Variants in LPGAT1 observed in about 807,000 individuals in gnomAD.
LPGAT1 encodes the protein lysophosphatidylglycerol acyltransferase 1, also known as acyl-CoA:lysophosphatidylglycerol acyltransferase 1.
A neutral mutation model predicts 47.5 loss-of-function variants in LPGAT1; 11 were observed. The ratio of observed to expected loss-of-function variants is 0.23; its 90% confidence interval spans 0.15 to 0.38. LPGAT1 has a LOEUF of 0.38. Ranked by LOEUF, LPGAT1 falls within the 10% of genes least tolerant of loss-of-function variation. LPGAT1 has a pLI of 1.00. For missense variants in LPGAT1, 293 were observed against 439.0 expected (o/e 0.67, Z 2.97); for synonymous variants, 138 against 144.2 (o/e 0.96, Z 0.31).
At chr1:211,779,827 T>C (rs1658562889) in intron 5 of LPGAT1, among the ~76,000 whole-genome samples, 1 of 148,548 alleles carries the variant, frequency 6.7e-6, no homozygotes. Flanking sequence ...CACTCCAGCC[T>C]GGGCACAAGA....
rs1345218756 is a variant in LPGAT1, at chr1:211,746,166, AACACTCAG to A, written c.*3725_*3732del. ...GTCTTTAAGGAAGTGATTGTCAAAA[AACACTCAG>A]ACAAATCCACAAGAAGTGGGCAACA... is the stretch of plus-strand genomic sequence containing the variant. On this transcript the variant is annotated 3_prime_UTR_variant, in exon 8 of 8. Coordinates refer to ENST00000366997, the MANE Select transcript of LPGAT1 (RefSeq NM_014873.3). 6.5e-6 allele frequency: 1 copy of A among 152,674 alleles called. No homozygotes were observed. Among genetic ancestry groups the A allele is most frequent in the Non-Finnish European group, 1.5e-5 (1 of 68,042 alleles). The allele number at this position is 152,674 out of a possible 1,614,324, so 9.5% of individuals were successfully genotyped here.
At chr1:211,751,109 A>C (rs1305722553) in intron 6 of LPGAT1, 42 bp from the exon 7 acceptor site, 1 of 1,281,480 alleles carries the variant, frequency 7.8e-7, no homozygotes, top group Non-Finnish European at 1.1e-6. Flanking sequence ...TATTTAGTTC[A>C]GAAGTCAAAA....
chr1:211,785,268 GA>G (rs1658829841), intron 4 of LPGAT1, among the ~76,000 whole-genome samples: 1 of 152,174 alleles, frequency 6.6e-6, no homozygotes, highest in Non-Finnish European at 1.5e-5. Flanking sequence ...AACTGATTAT[GA>G]TTAAGATAGC....
intron 5 of LPGAT1, among the ~76,000 whole-genome samples, chr1:211,782,098 A>T (rs761649345): frequency 5.9e-5 from 9 of 152,174 alleles, no homozygotes; most frequent in Non-Finnish European, 1.0e-4. Flanking sequence ...TTGAATTCAA[A>T]TCGTTTTCAT....
intron 6 of LPGAT1, among the ~76,000 whole-genome samples, chr1:211,760,820 G>C (rs1657667575): frequency 6.6e-6 from 1 of 152,096 alleles, no homozygotes. Context: ...TAACTATTCA[G>C]GAAATCTAAT....
At chr1:211,753,610 T>C (rs964661341) in intron 6 of LPGAT1, among the ~76,000 whole-genome samples, 2 of 152,228 alleles carry the variant, frequency 1.3e-5, no homozygotes, top group African/African-American at 2.4e-5. Context: ...ATAAGTTTTT[T>C]AAATTATAAT....
chr1:211,803,591 A>T (rs1240213996), intron 2 of LPGAT1, among the ~76,000 whole-genome samples: 1 of 152,188 alleles, frequency 6.6e-6, no homozygotes, highest in Non-Finnish European at 1.5e-5. Context: ...AAATTATTAA[A>T]TCTAGGAACA....
chr1:211,800,157 C>G (rs775603499), intron 2 of LPGAT1, among the ~76,000 whole-genome samples: 4 of 151,928 alleles, frequency 2.6e-5, no homozygotes, highest in Non-Finnish European at 5.9e-5. Flanking sequence ...GCCTCAGCCT[C>G]CCGAGTAACT....
rs1041057660 is a variant in LPGAT1, at chr1:211,747,927, C to G, written c.*1972G>C. On this transcript the variant is annotated 3_prime_UTR_variant, in exon 8 of 8. Transcript: ENST00000366997. ...ATTAACACTGTCTTCTGCATTTTAC[C>G]AGTAGTAGTATAATATTCAATGAGG... 7.2e-5 allele frequency: 11 copies of G among 152,548 alleles called. No homozygotes were observed. Among genetic ancestry groups the G allele is most frequent in the Admixed American group, 2.6e-4 (4 of 15,274 alleles). The allele number at this position is 152,548 out of a possible 1,614,324, so 9.4% of individuals were successfully genotyped here. A position where few individuals can be genotyped will look rare whatever the true frequency, so the allele number is the denominator to read the frequency against.
intron 6 of LPGAT1, among the ~76,000 whole-genome samples, chr1:211,753,870 G>A (rs1657316401): frequency 6.6e-6 from 1 of 152,146 alleles, no homozygotes. Context: ...GCTTACAAGT[G>A]GAGTCTGTTG....
At position 211,763,795 on chromosome 1, in the gene LPGAT1, T is replaced by TAC. The variant is rs1657800735; in HGVS notation, c.855-12730_855-12729dup. Among the ~76,000 whole-genome samples the TAC allele has an allele frequency of 3.9e-5, 6 of 152,354 alleles. No homozygotes were observed. The South Asian group carries it at 1.2e-3, about 32-fold the overall frequency. Reference sequence around the variant, plus strand: ...TAAAATTTATTTGTTGGTTTCCTACTACGGCAGGTAAGAATTTGACTATCT... The same window carrying TAC: ...TAAAATTTATTTGTTGGTTTCCTACTACACGGCAGGTAAGAATTTGACTATCT... On this transcript the variant is annotated intron_variant, in intron 6 of 7. Transcript: ENST00000366997.
intron 2 of LPGAT1, among the ~76,000 whole-genome samples, chr1:211,794,263 G>GTGGTGT (rs1659258956): frequency 6.6e-6 from 1 of 152,100 alleles, no homozygotes; most frequent in Non-Finnish European, 1.5e-5. Context: ...GGAAACAGTG[G>GTGGTGT]TATTTCTATG....
At chr1:211,785,005 G>C (rs368237990) in intron 4 of LPGAT1, among the ~76,000 whole-genome samples, 99 of 152,016 alleles carry the variant, frequency 6.5e-4, no homozygotes, top group Admixed American at 2.6e-3. Flanking sequence ...GGATTTCACC[G>C]TGTTAGCCAG....
intron 2 of LPGAT1, among the ~76,000 whole-genome samples, chr1:211,825,700 C>T (rs1373883024): frequency 6.6e-6 from 1 of 152,238 alleles, no homozygotes; most frequent in East Asian, 1.9e-4. Flanking sequence ...ATGGCTCACG[C>T]CTATAATCCC....
chr1:211,745,168 T>C lies in LPGAT1; in HGVS notation c.*4731A>G, dbSNP rs1422753659. On this transcript the variant is annotated 3_prime_UTR_variant, in exon 8 of 8. Transcript: ENST00000366997. ...CGTGTGACCAGCCCTTTACAAAAATTAATTACAGTTGCCACAGCCTTTACA... is the reference window on the plus strand; with the variant it reads ...CGTGTGACCAGCCCTTTACAAAAATCAATTACAGTTGCCACAGCCTTTACA... The C allele has an allele frequency of 1.3e-5, 2 of 152,646 alleles. No individual in the cohort carries two copies. Among genetic ancestry groups the C allele is most frequent in the African/African-American group, 4.8e-5 (2 of 41,462 alleles). The allele number at this position is 152,646 out of a possible 1,614,324, so 9.5% of individuals were successfully genotyped here.
At chr1:211,772,545 T>C (rs1206460414) in intron 6 of LPGAT1, among the ~76,000 whole-genome samples, 3 of 152,226 alleles carry the variant, frequency 2.0e-5, no homozygotes, top group Non-Finnish European at 2.9e-5. Flanking sequence ...AGTCTTCCTC[T>C]CTGTGAACAC....
chr1:211,807,885 A>G lies in LPGAT1; in HGVS notation c.239-14695T>C, dbSNP rs544272263. On this transcript the variant is annotated intron_variant, in intron 2 of 7. Transcript: ENST00000366997. ...CAAGCCATAAAAGAAAATAACATCA[A>G]TGAACTGGGGAGTCTCTCTCAACCT... Among the ~76,000 whole-genome samples, 15 of 152,268 alleles carry G rather than the reference A, an allele frequency of 9.9e-5. No individual in the cohort carries two copies. The South Asian group carries it at 3.1e-3, about 32-fold the overall frequency.
At chr1:211,817,443 C>T (rs1409987428) in intron 2 of LPGAT1, among the ~76,000 whole-genome samples, 11 of 151,852 alleles carry the variant, frequency 7.2e-5, no homozygotes, top group East Asian at 3.9e-4. Flanking sequence ...ATGTGGCCGG[C>T]GCCTGTAGTC....
At chr1:211,788,821 A>G (rs1276818150) in intron 3 of LPGAT1, among the ~76,000 whole-genome samples, 2 of 152,252 alleles carry the variant, frequency 1.3e-5, no homozygotes, top group African/African-American at 4.8e-5. Context: ...AGAATGCAAT[A>G]AGCTCTACTT....
Sources: allele counts gnomAD v4.1 joint callset (sites outside exome capture counted in the v4.1 genomes callset), GRCh38; gene constraint gnomAD v4.1.1; transcripts MANE v1.5; gene names NCBI Gene and HGNC (gene_info 2026-07-23, HGNC 2026-07-21).